The following DCN variants were observed in gnomAD, a reference collection of about 807,000 sequenced individuals.
The protein encoded by DCN is decorin.
DCN carries 17 observed loss-of-function variants against 36.5 expected under a neutral mutation model. The ratio of observed to expected loss-of-function variants is 0.47; its 90% CI spans 0.32 to 0.70. DCN has a LOEUF of 0.70. Ranked by LOEUF, DCN falls within the 30% of genes least tolerant of loss-of-function variation. The pLI, the probability that DCN is intolerant of heterozygous loss-of-function variation, is 0.04. For missense variants in DCN, 389 were observed against 430.1 expected (o/e 0.90, Z 0.84); for synonymous variants, 163 against 161.4 (o/e 1.01, Z -0.07).
intron 3 of DCN, among the ~76,000 whole-genome samples, chr12:91,163,288 AT>A (rs1183816940): frequency 6.6e-6 from 1 of 152,162 alleles, no homozygotes; most frequent in Non-Finnish European, 1.5e-5. Context: ...TGTATAGCAT[AT>A]TCTCTCCCAA....
intron 7 of DCN, among the ~76,000 whole-genome samples, chr12:91,146,518 G>C (rs1450665723): frequency 6.6e-6 from 1 of 151,730 alleles, no homozygotes; most frequent in Non-Finnish European, 1.5e-5. Context: ...ACCATGCCCG[G>C]CTAATTTTTG....
rs1235130430 is a variant in DCN at position 91,144,639 on chromosome 12, T to C, written c.*1419A>G. The C allele has an allele frequency of 6.6e-6, 1 of 152,198 alleles. No homozygotes were observed. Among genetic ancestry groups the C allele is most frequent in the African/African-American group, 2.4e-5 (1 of 41,442 alleles). 9.4% of individuals were successfully genotyped at this position (152,198 alleles called of 1,614,324 possible). ...TTTCAGAAGAAGAAAAATAGTTTGA[T>C]TAAGCCTCCTTTATGCCAACCTGTC... is the stretch of plus-strand genomic sequence containing the variant. On this transcript the variant is annotated 3_prime_UTR_variant, in exon 8 of 8. Transcript: ENST00000052754.
intron 7 of DCN, among the ~76,000 whole-genome samples, chr12:91,146,516 C>T (rs1441186086): frequency 1.3e-5 from 2 of 151,746 alleles, no homozygotes; most frequent in East Asian, 1.9e-4. Flanking sequence ...ACACCATGCC[C>T]GGCTAATTTT....
intron 7 of DCN, among the ~76,000 whole-genome samples, chr12:91,148,995 A>G (rs532601266): frequency 1.2e-4 from 19 of 152,288 alleles, no homozygotes; most frequent in African/African-American, 3.9e-4. Context: ...GTGTTTGGTG[A>G]GCAATTTATG....
chr12:91,161,429 T>A (rs549216413), intron 3 of DCN, among the ~76,000 whole-genome samples: 1 of 152,374 alleles, frequency 6.6e-6, no homozygotes, highest in Admixed American at 6.5e-5. Context: ...ATAAAAGTTT[T>A]AAAAATATTT....
At chr12:91,180,968 G>A (rs1046531358) in intron 1 of DCN, 7 of 152,128 alleles carry the variant, frequency 4.6e-5, no homozygotes, top group African/African-American at 1.7e-4. Flanking sequence ...CCCACAAAAA[G>A]AAAATGTTGA....
At position 91,144,349 on chromosome 12, in the gene DCN, A is replaced by T. The variant is rs1048527972; in HGVS notation, c.*1709T>A. 6.6e-6 allele frequency: 1 copy of T among 152,202 alleles called. No homozygotes were observed. The highest frequency in any genetic ancestry group is 6.5e-5 in the Admixed American group (1 of 15,274). The allele number at this position is 152,202 out of a possible 1,614,324, so 9.4% of individuals were successfully genotyped here. On this transcript the variant is annotated 3_prime_UTR_variant, in exon 8 of 8. Coordinates refer to ENST00000052754, the MANE Select transcript of DCN (RefSeq NM_001920.5). ...CAAGGTCCAGCTCTGAACAACAACA[A>T]AAAAAGTCCATTTATGGACATGCAC...
chr12:91,145,894 G>T lies in DCN; in HGVS notation c.*164C>A. On this transcript the variant is annotated 3_prime_UTR_variant, in exon 8 of 8. Coordinates refer to ENST00000052754, the MANE Select transcript of DCN (RefSeq NM_001920.5). ...ATGGCAGGCAAAATTTCTTTTTATT[G>T]TAGGCAATTACTTAAACTGGAAATT... is the stretch of plus-strand genomic sequence containing the variant. 1.6e-6 allele frequency: 1 copy of T among 624,396 alleles called. No individual in the cohort carries two copies. Among genetic ancestry groups the T allele is most frequent in the Non-Finnish European group, 2.8e-6 (1 of 358,694 alleles). The allele number at this position is 624,396 out of a possible 1,614,324, so 38.7% of individuals were successfully genotyped here. A position where few individuals can be genotyped will look rare whatever the true frequency, so the allele number is the denominator to read the frequency against.
rs3138278 is a variant in DCN, at chr12:91,149,872, G to A, written c.885+1782C>T. Among the ~76,000 whole-genome samples the A allele has an allele frequency of 5.4e-3, 827 of 152,180 alleles. 2 individuals carry two copies. The highest frequency in any genetic ancestry group is 0.019 in the African/African-American group (798 of 41,518). ...AAACAATGAATGTAGTAAAAGAATT[G>A]CAAGGCATGTATGCTAAAAATGACA... On this transcript the variant is annotated intron_variant, in intron 7 of 7. Coordinates refer to ENST00000052754, the MANE Select transcript of DCN (RefSeq NM_001920.5).
chr12:91,163,431 C>A (rs1273471581), intron 3 of DCN, among the ~76,000 whole-genome samples: 3 of 152,112 alleles, frequency 2.0e-5, no homozygotes, highest in African/African-American at 7.2e-5. Context: ...AAGACACAGG[C>A]AGGAAATTAA....
intron 2 of DCN, chr12:91,177,526 A>G (rs1185955408): frequency 4.3e-6 from 3 of 701,314 alleles, no homozygotes. Context: ...CTGCCATGTA[A>G]ACTGAGTTCA....
At chr12:91,160,731 G>T (rs1391770910) in intron 3 of DCN, among the ~76,000 whole-genome samples, 1 of 152,026 alleles carries the variant, frequency 6.6e-6, no homozygotes, top group Non-Finnish European at 1.5e-5. Context: ...GTTTGCTTTT[G>T]TTCAGTCTTT....
rs777748635 is a variant in DCN at position 91,151,761 on chromosome 12, C to G, written c.778G>C (p.Val260Leu). 1 of 1,614,124 alleles carries G rather than the reference C, an allele frequency of 6.2e-7. No homozygotes were observed. Among genetic ancestry groups the G allele is most frequent in the South Asian group, 1.1e-5 (1 of 91,084 alleles). Residue 260 changes from valine to leucine, a missense_variant, in exon 7 of 8, where the codon GTT becomes CTT. Transcript: ENST00000052754. ...GTGTTGGCCAGAGAGCCATTGTCAA[C>G]AGCAGAGATGCTGTTGAAACTCAAT... ...LGLSFNSISAVDNGSLANTPH... is the reference protein window; with the variant it reads ...LGLSFNSISALDNGSLANTPH...
intron 6 of DCN, among the ~76,000 whole-genome samples, chr12:91,152,526 C>T (rs1276703859): frequency 6.6e-6 from 1 of 151,954 alleles, no homozygotes; most frequent in South Asian, 2.1e-4. Flanking sequence ...ACTAGTATCA[C>T]TTATTTTAAA....
At position 91,158,436 on chromosome 12, in the gene DCN, C is replaced by A; in HGVS notation, c.398G>T (p.Arg133Leu). The change falls in exon 4 of 8, where the codon CGA becomes CTA. Residue 133 changes from arginine (R) to leucine (L), a missense_variant. Physicochemically the swap from Arg to Leu is moderately radical, Grantham distance 102. Coordinates refer to ENST00000052754, the MANE Select transcript of DCN (RefSeq NM_001920.5). ...GAFTPLVKLE[R>L]LYLSKNQLKE... is the part of the protein sequence containing the mutation. ...CAGCTGATTCTTGGACAGATAAAGT[C>A]GTTCCAACTTCACCAAAGGTGTAAA... 6.2e-7 allele frequency: 1 copy of A among 1,610,376 alleles called. No individual in the cohort carries two copies. The highest frequency in any genetic ancestry group is 8.5e-7 in the Non-Finnish European group (1 of 1,176,658).
At position 91,145,158 on chromosome 12, in the gene DCN, T is replaced by C. The variant is rs1467059774; in HGVS notation, c.*900A>G. The C allele has an allele frequency of 6.6e-6, 1 of 152,238 alleles. No homozygotes were observed. Among genetic ancestry groups the C allele is most frequent in the Admixed American group, 6.5e-5 (1 of 15,284 alleles). The allele number at this position is 152,238 out of a possible 1,614,324, so 9.4% of individuals were successfully genotyped here. A position where few individuals can be genotyped will look rare whatever the true frequency, so the allele number is the denominator to read the frequency against. On this transcript the variant is annotated 3_prime_UTR_variant, in exon 8 of 8. Transcript: ENST00000052754. Reference sequence around the variant, plus strand: ...TCTGCATTGATAGTTGTTTATAAATTCTACAGAAAACATTTCTAACATGGG... The same window carrying C: ...TCTGCATTGATAGTTGTTTATAAATCCTACAGAAAACATTTCTAACATGGG...
At chr12:91,160,165 T>TA (rs1457322622) in intron 3 of DCN, among the ~76,000 whole-genome samples, 2 of 151,918 alleles carry the variant, frequency 1.3e-5, no homozygotes, top group Non-Finnish European at 2.9e-5. Context: ...GTTAAGGTCA[T>TA]AAAAAAATTG....
intron 3 of DCN, among the ~76,000 whole-genome samples, chr12:91,159,291 G>A (rs1024169259): frequency 3.9e-5 from 6 of 152,076 alleles, no homozygotes; most frequent in African/African-American, 1.2e-4. Context: ...GCAATGCAAG[G>A]AACTAAAATT....
At position 91,164,583 on chromosome 12, in the gene DCN, G is replaced by C. The variant is rs146575397; in HGVS notation, c.324+22C>G. ...TACCTTGAGTCTTATCTTATTGTGA[G>C]TTAAAAAAAAATAGTTCTTACGTGA... On this transcript the variant is annotated intron_variant, in intron 3 of 7. Coordinates refer to ENST00000052754, the MANE Select transcript of DCN (RefSeq NM_001920.5). The C allele has an allele frequency of 1.8e-5, 24 of 1,341,292 alleles. No individual in the cohort carries two copies. The Admixed American group carries it at 4.0e-4, about 23-fold the overall frequency. The allele number at this position is 1,341,292 out of a possible 1,614,324, so 83.1% of individuals were successfully genotyped here.
Sources: allele counts gnomAD v4.1 joint callset (sites outside exome capture counted in the v4.1 genomes callset), GRCh38; gene constraint gnomAD v4.1.1; transcripts MANE v1.5; gene names NCBI Gene and HGNC (gene_info 2026-07-23, HGNC 2026-07-21).